The following BTBD9 variants were observed in gnomAD, a reference collection of about 807,000 sequenced individuals.
BTBD9 encodes the protein BTB domain containing 9, also known as BTB/POZ domain-containing protein 9.
BTBD9 carries 49 observed loss-of-function variants against 64.3 expected under a neutral mutation model. The ratio of observed to expected loss-of-function variants is 0.76; its 90% CI spans 0.61 to 0.97. The LOEUF is 0.97. Ranked by LOEUF, BTBD9 falls within the 50% of genes least tolerant of loss-of-function variation. The pLI is 0.00. For missense variants in BTBD9, 598 were observed against 762.1 expected, an observed-to-expected ratio of 0.78 and a Z score of 2.53; for synonymous variants, 260 against 274.7, an observed-to-expected ratio of 0.95 and a Z score of 0.53.
At chr6:38,573,863 C>A (rs141727460) in intron 6 of BTBD9, among the ~76,000 whole-genome samples, 1 of 152,074 alleles carries the variant, frequency 6.6e-6, no homozygotes, top group Non-Finnish European at 1.5e-5. Context: ...TAGTACTAGG[C>A]TCGATCATCT....
chr6:38,189,474 A>G (rs1027069575), intron 10 of BTBD9, among the ~76,000 whole-genome samples: 9 of 152,174 alleles, frequency 5.9e-5, no homozygotes, highest in Non-Finnish European at 1.0e-4. Context: ...GATGCCCAAT[A>G]AAGTTCAGCT....
chr6:38,305,078 T>C (rs1010998823), intron 7 of BTBD9, among the ~76,000 whole-genome samples: 20 of 152,062 alleles, frequency 1.3e-4, no homozygotes, highest in African/African-American at 4.6e-4. Flanking sequence ...GAATCAAAGA[T>C]AGAAAACGAT....
Position 38,577,602 on chromosome 6 carries a change from G to A in BTBD9, c.1152C>T (p.Cys384=). Residue 384 remains cysteine, a splice_region_variant and synonymous_variant, in exon 6 of 11, where the codon TGC becomes TGT. Transcript: ENST00000481247. The part of the protein sequence containing the change: ...WQKLYFPARV[C]RYIRIVGTHN... ...TTTATTAACCACTGAAAACTAACCT[G>A]CAGACACGGGCTGGAAAATATAATT... The A allele has an allele frequency of 1.2e-6, 2 of 1,605,554 alleles. No individual in the cohort carries two copies. The highest frequency in any genetic ancestry group is 1.7e-6 in the Non-Finnish European group (2 of 1,178,802).
In BTBD9 at chr6:38,198,808, TATTA is replaced by T. The variant is rs545954372; in HGVS notation, c.1563-6215_1563-6212del. ...TTTCCCATCAAATATATGTGTTATA[TATTA>T]ATTAATTAATACATGCAGACACATG... On this transcript the variant is annotated intron_variant, in intron 9 of 10. Transcript: ENST00000481247. 2.2e-3 allele frequency among the ~76,000 whole-genome samples: 336 copies of T among 152,322 alleles called. 1 individual carries two copies. Among genetic ancestry groups the T allele is most frequent in the African/African-American group, 7.6e-3 (314 of 41,564 alleles).
intron 4 of BTBD9, among the ~76,000 whole-genome samples, chr6:38,581,698 C>T (rs976000354): frequency 3.3e-5 from 5 of 152,198 alleles, no homozygotes; most frequent in Admixed American, 1.3e-4. Flanking sequence ...CCACATTTAG[C>T]CAGGTGCATC....
intron 6 of BTBD9, among the ~76,000 whole-genome samples, chr6:38,429,562 T>C (rs750577517): frequency 3.9e-5 from 6 of 151,922 alleles, no homozygotes; most frequent in Admixed American, 1.3e-4. Flanking sequence ...CTTCCTCTTA[T>C]TTGCAAAACG....
chr6:38,435,912 G>A lies in BTBD9; in HGVS notation c.1155-90819C>T, dbSNP rs959411239. 5.3e-5 allele frequency among the ~76,000 whole-genome samples: 8 copies of A among 151,348 alleles called. No homozygotes were observed. In the East Asian group the frequency reaches 5.8e-4, roughly 11 times the overall value. On this transcript the variant is annotated intron_variant, in intron 6 of 10. Coordinates refer to ENST00000481247, the MANE Select transcript of BTBD9 (RefSeq NM_001099272.2). ...TCAAACTCCTGACCTCAAGTGATCC[G>A]CCCACCTTGGCCTCCCAAAGTGCTG...
At chr6:38,268,718 T>C (rs1383388886) in intron 8 of BTBD9, among the ~76,000 whole-genome samples, 1 of 152,218 alleles carries the variant, frequency 6.6e-6, no homozygotes, top group Non-Finnish European at 1.5e-5. Flanking sequence ...CATCTTCTTT[T>C]CCCCACAGAG....
At chr6:38,329,033 C>T (rs1030880843) in intron 7 of BTBD9, among the ~76,000 whole-genome samples, 8 of 147,048 alleles carry the variant, frequency 5.4e-5, no homozygotes, top group Admixed American at 2.7e-4. Context: ...ATACTGGCAT[C>T]GATCTGGCTA....
chr6:38,465,707 T>TTATATA lies in BTBD9; in HGVS notation c.1154+111887_1154+111892dup, dbSNP rs1157324453. 4.3e-3 allele frequency among the ~76,000 whole-genome samples: 199 copies of TTATATA among 46,584 alleles called. 3 individuals are homozygous for TTATATA. The highest frequency in any genetic ancestry group is 6.2e-3 in the Non-Finnish European group (157 of 25,270). The allele number at this position is 46,584 out of a possible 152,430, so 30.6% of individuals were successfully genotyped here. ...ATCTCTAAATAAATAAATAAATAAA[T>TTATATA]TATATATATATATATATATATATAT... On this transcript the variant is annotated intron_variant, in intron 6 of 10. Coordinates refer to ENST00000481247, the MANE Select transcript of BTBD9 (RefSeq NM_001099272.2).
chr6:38,577,527 G>A, intron 6 of BTBD9, 73 bp downstream of exon 6: 2 of 1,418,874 alleles, frequency 1.4e-6, no homozygotes, highest in Non-Finnish European at 9.6e-7. Flanking sequence ...GATGAAAAAT[G>A]CAGTTCTGCT....
chr6:38,439,956 A>G (rs1341732819), intron 6 of BTBD9, among the ~76,000 whole-genome samples: 1 of 152,166 alleles, frequency 6.6e-6, no homozygotes, highest in Non-Finnish European at 1.5e-5. Context: ...TGGAATTACT[A>G]TCTAGTAAAC....
chr6:38,328,248 G>A (rs1446278223), intron 7 of BTBD9, among the ~76,000 whole-genome samples: 1 of 152,128 alleles, frequency 6.6e-6, no homozygotes, highest in African/African-American at 2.4e-5. Context: ...ACTGAACTGT[G>A]TCCTCCCAGA....
chr6:38,399,449 CT>C (rs1554147000), intron 6 of BTBD9, among the ~76,000 whole-genome samples: 2 of 152,176 alleles, frequency 1.3e-5, no homozygotes, highest in Non-Finnish European at 2.9e-5. Context: ...CTTACTTAAA[CT>C]TTGTGTCAAT....
chr6:38,309,215 C>T (rs1320664128), intron 7 of BTBD9, among the ~76,000 whole-genome samples: 1 of 150,466 alleles, frequency 6.6e-6, no homozygotes. Context: ...ACTAAAAATA[C>T]AAAAATTAGC....
intron 1 of BTBD9, among the ~76,000 whole-genome samples, chr6:38,598,938 T>C (rs1391487712): frequency 6.6e-6 from 1 of 151,934 alleles, no homozygotes; most frequent in African/African-American, 2.4e-5. Flanking sequence ...ATAATAATAA[T>C]AATCTTCTGG....
At chr6:38,580,700 A>G (rs1181696551) in intron 4 of BTBD9, among the ~76,000 whole-genome samples, 1 of 151,780 alleles carries the variant, frequency 6.6e-6, no homozygotes, top group Non-Finnish European at 1.5e-5. Context: ...GTTTGAGACC[A>G]GCATGGGCAA....
intron 6 of BTBD9, among the ~76,000 whole-genome samples, chr6:38,461,511 T>C (rs138570158): frequency 6.0e-4 from 92 of 152,332 alleles, no homozygotes; most frequent in East Asian, 5.8e-3. Flanking sequence ...TCATTCTTTA[T>C]CATTTAGTAT....
At chr6:38,336,792 T>G (rs1010664534) in intron 7 of BTBD9, among the ~76,000 whole-genome samples, 4 of 152,192 alleles carry the variant, frequency 2.6e-5, no homozygotes, top group Admixed American at 1.3e-4. Context: ...TCCCGATACA[T>G]GACTTATTTT....
Sources: allele counts gnomAD v4.1 joint callset (sites outside exome capture counted in the v4.1 genomes callset), GRCh38; gene constraint gnomAD v4.1.1; transcripts MANE v1.5; gene names NCBI Gene and HGNC (gene_info 2026-07-23, HGNC 2026-07-21).